The following MINDY4 variants were observed in gnomAD, a reference collection of about 807,000 sequenced individuals.
MINDY4 encodes MINDY lysine 48 deubiquitinase 4.
In MINDY4, 68 loss-of-function variants were observed where a neutral mutation model predicts 87.0. That is an observed-to-expected ratio of 0.78 (90% CI 0.64 to 0.96). The LOEUF is 0.96. Among genes scored for constraint, MINDY4 ranks in the 40% least tolerant of loss-of-function variants. The pLI, the probability that MINDY4 is intolerant of heterozygous loss-of-function variation, is 0.00. For missense variants in MINDY4, 919 were observed against 928.2 expected (o/e 0.99, Z 0.13); for synonymous variants, 379 against 363.2 (o/e 1.04, Z -0.50).
chr7:30,872,304 C>T lies in MINDY4; in HGVS notation c.1807C>T (p.Gln603Ter), dbSNP rs1231375605. 4 of 1,613,924 alleles carry T rather than the reference C, an allele frequency of 2.5e-6. No individual in the cohort carries two copies. Among genetic ancestry groups the T allele is most frequent in the Non-Finnish European group, 3.4e-6 (4 of 1,179,958 alleles). ...GATTGGAGCACATGGCTACTGTACA[C>T]AGGTCAGGGGGCGCTGTGGGGCCCA... ...HLIGAHGYCTQELVNLLLTGK... is the reference protein window; with the variant it reads ...HLIGAHGYCT Residue 603 changes from glutamine (Q) to a stop codon, truncating the protein, a stop_gained and splice_region_variant, in exon 14 of 18, where the codon CAG (glutamine) becomes TAG (stop). Transcript: ENST00000265299. LOFTEE classifies it high-confidence loss of function.
At chr7:30,872,394 G>A (rs754759860) in intron 14 of MINDY4, 88 bp downstream of exon 14, 8 of 1,261,324 alleles carry the variant, frequency 6.3e-6, no homozygotes, top group Non-Finnish European at 9.1e-6. Context: ...TCTTGCCCCA[G>A]AAAAAGACAA....
At chr7:30,852,650 G>A (rs1195820986) in intron 11 of MINDY4, among the ~76,000 whole-genome samples, 1 of 152,146 alleles carries the variant, frequency 6.6e-6, no homozygotes, top group Non-Finnish European at 1.5e-5. Flanking sequence ...AGGAGAGGGA[G>A]AGAAAGTTAG....
At chr7:30,868,513 C>T (rs999811054) in intron 13 of MINDY4, among the ~76,000 whole-genome samples, 9 of 152,322 alleles carry the variant, frequency 5.9e-5, no homozygotes, top group Admixed American at 3.9e-4. Context: ...CTTCCCCTTC[C>T]GGGATGTATG....
At chr7:30,841,789 C>G (rs1252512394) in intron 9 of MINDY4, among the ~76,000 whole-genome samples, 2 of 152,066 alleles carry the variant, frequency 1.3e-5, no homozygotes, top group African/African-American at 4.8e-5. Context: ...CCTCTGGTAC[C>G]CAGCAGGTAC....
chr7:30,816,685 TGA>T (rs1788161919), intron 5 of MINDY4, among the ~76,000 whole-genome samples: 1 of 144,140 alleles, frequency 6.9e-6, no homozygotes, highest in African/African-American at 2.6e-5. Context: ...TGGACCCAGA[TGA>T]GAGAGACTTG....
At chr7:30,792,386 A>C (rs1023779508) in intron 5 of MINDY4, among the ~76,000 whole-genome samples, 2 of 152,212 alleles carry the variant, frequency 1.3e-5, no homozygotes, top group African/African-American at 4.8e-5. Context: ...GCTGATACCT[A>C]GGTTATGCTA....
At chr7:30,794,155 A>G (rs1376563088) in intron 5 of MINDY4, among the ~76,000 whole-genome samples, 1 of 152,178 alleles carries the variant, frequency 6.6e-6, no homozygotes, top group East Asian at 1.9e-4. Flanking sequence ...AACCAGGGCC[A>G]AAGTAATCCC....
At chr7:30,874,080 T>A (rs114439093) in intron 14 of MINDY4, among the ~76,000 whole-genome samples, 3,314 of 152,314 alleles carry the variant, frequency 0.022, 125 homozygotes, top group African/African-American at 0.076. Flanking sequence ...AACTCTACCC[T>A]CCAGAGTTTA....
chr7:30,774,100 G>A (rs951833159), intron 1 of MINDY4, among the ~76,000 whole-genome samples: 3 of 152,142 alleles, frequency 2.0e-5, no homozygotes, highest in Non-Finnish European at 4.4e-5. Context: ...GTGCCTTATG[G>A]GTGCCTGCCC....
At chr7:30,851,712 G>A (rs1018708325) in intron 10 of MINDY4, among the ~76,000 whole-genome samples, 10 of 152,202 alleles carry the variant, frequency 6.6e-5, no homozygotes, top group African/African-American at 1.2e-4. Context: ...GAGAGGGAGG[G>A]TGGCTGGTCC....
At chr7:30,803,721 A>G (rs1054088155) in intron 5 of MINDY4, among the ~76,000 whole-genome samples, 1 of 152,160 alleles carries the variant, frequency 6.6e-6, no homozygotes, top group Admixed American at 6.5e-5. Flanking sequence ...GTTTGCTGGT[A>G]TCCCTGGGGT....
At chr7:30,775,722 A>G (rs1460167855) in intron 1 of MINDY4, among the ~76,000 whole-genome samples, 2 of 152,170 alleles carry the variant, frequency 1.3e-5, no homozygotes, top group African/African-American at 4.8e-5. Context: ...TAGTCATCAC[A>G]TTAGCATACA....
At chr7:30,780,204 G>A (rs1786965161) in intron 2 of MINDY4, 1 of 152,234 alleles carries the variant, frequency 6.6e-6, no homozygotes, top group African/African-American at 2.4e-5. Flanking sequence ...AAAGACTGGT[G>A]ACCCAGGCAG....
intron 5 of MINDY4, among the ~76,000 whole-genome samples, chr7:30,812,814 T>A (rs1788043758): frequency 6.6e-6 from 1 of 152,212 alleles, no homozygotes; most frequent in Admixed American, 6.5e-5. Context: ...CCCAGCCTTC[T>A]GGTTGTTTTG....
At position 30,839,185 on chromosome 7, in the gene MINDY4, C is replaced by G. The variant is rs140727793; in HGVS notation, c.1240-15C>G. 79 of 1,549,734 alleles carry G rather than the reference C, an allele frequency of 5.1e-5. No homozygotes were observed. In the African/African-American group the frequency reaches 8.2e-4, roughly 16 times the overall value. ...CTTTTAAAACAACCAGTAAAACTCT[C>G]TCTTCTTTTTATAGGAAATAAAGAC... On this transcript the variant is annotated splice_polypyrimidine_tract_variant and intron_variant, in intron 7 of 17. Transcript: ENST00000265299.
intron 15 of MINDY4, among the ~76,000 whole-genome samples, chr7:30,880,467 C>T (rs189191827): frequency 1.9e-3 from 285 of 152,258 alleles, no homozygotes; most frequent in African/African-American, 6.6e-3. Flanking sequence ...CTTAATCTCT[C>T]GACTGTTACT....
intron 6 of MINDY4, among the ~76,000 whole-genome samples, chr7:30,830,037 G>A (rs1164972976): frequency 6.6e-6 from 1 of 152,040 alleles, no homozygotes. Flanking sequence ...CACGGAGAGA[G>A]TTCATGAAAG....
At chr7:30,773,970 C>A (rs1318893425) in intron 1 of MINDY4, among the ~76,000 whole-genome samples, 1 of 152,130 alleles carries the variant, frequency 6.6e-6, no homozygotes, top group Non-Finnish European at 1.5e-5. Context: ...TCTCTTCTGA[C>A]AGTAAAATTC....
chr7:30,882,867 A>G (rs1790513987), intron 16 of MINDY4, 54 bp from the exon 17 acceptor site: 6 of 1,565,480 alleles, frequency 3.8e-6, no homozygotes, highest in Non-Finnish European at 5.3e-6. Flanking sequence ...CGCTGACCTC[A>G]GGGTGAGTGC....
Sources: allele counts gnomAD v4.1 joint callset (sites outside exome capture counted in the v4.1 genomes callset), GRCh38; gene constraint gnomAD v4.1.1; transcripts MANE v1.5; gene names NCBI Gene and HGNC (gene_info 2026-07-23, HGNC 2026-07-21).